The following AGAP1 variants were observed in gnomAD, a reference collection of about 807,000 sequenced individuals.
AGAP1 encodes ArfGAP with GTPase domain, ankyrin repeat and PH domain 1.
A neutral mutation model predicts 105.3 loss-of-function variants in AGAP1; 29 were observed. The ratio of observed to expected loss-of-function variants is 0.28; its 90% CI spans 0.21 to 0.38. The LOEUF is 0.38. AGAP1 is among the 10% of genes least tolerant of loss of function. AGAP1 has a pLI of 1.00. For missense variants in AGAP1, 998 were observed against 1,165.1 expected, an observed-to-expected ratio of 0.86 and a Z score of 2.09; for synonymous variants, 509 against 485.9, an observed-to-expected ratio of 1.05 and a Z score of -0.63.
intron 6 of AGAP1, among the ~76,000 whole-genome samples, chr2:235,760,982 A>T (rs1954392113): frequency 1.3e-5 from 2 of 152,222 alleles, no homozygotes; most frequent in African/African-American, 4.8e-5. Context: ...GGGAGGGAAT[A>T]TCTTAATTAT....
At chr2:235,910,992 A>G (rs1489952180) in intron 11 of AGAP1, among the ~76,000 whole-genome samples, 3 of 152,194 alleles carry the variant, frequency 2.0e-5, no homozygotes, top group Non-Finnish European at 4.4e-5. Context: ...CCTAACCTCT[A>G]GAATTCTTCC....
Position 235,631,403 on chromosome 2 carries a change from C to T in AGAP1, c.164-77776C>T, listed in dbSNP as rs910029862. ...AGCTAGCCAAGGAGAGGCCACGAGG[C>T]GGGAGAGCCAAGGAGGACAGCCTCC... On this transcript the variant is annotated intron_variant, in intron 1 of 17. Transcript: ENST00000304032. This position sits in a 1 kb window ranked among gnomAD's most constrained non-coding sequence, Gnocchi z 5.4. 1.3e-5 allele frequency among the ~76,000 whole-genome samples: 2 copies of T among 152,274 alleles called. No individual in the cohort carries two copies. Among genetic ancestry groups the T allele is most frequent in the Non-Finnish European group, 2.9e-5 (2 of 68,010 alleles).
chr2:235,996,509 A>T (rs1311842050), intron 13 of AGAP1, among the ~76,000 whole-genome samples: 1 of 152,232 alleles, frequency 6.6e-6, no homozygotes, highest in Non-Finnish European at 1.5e-5. Flanking sequence ...TTTAAATGCC[A>T]ACCATCTTGA....
chr2:236,057,003 T>C (rs2058069299), intron 16 of AGAP1, among the ~76,000 whole-genome samples: 1 of 152,188 alleles, frequency 6.6e-6, no homozygotes, highest in Admixed American at 6.5e-5. Context: ...ACTAAATGAG[T>C]AGTGCAAACA....
chr2:235,572,638 T>G (rs1944566988), intron 1 of AGAP1, among the ~76,000 whole-genome samples: 1 of 152,136 alleles, frequency 6.6e-6, no homozygotes, highest in Non-Finnish European at 1.5e-5. Context: ...CCAGCTAAAA[T>G]CTCACCTCTC....
rs957066576 is a variant in AGAP1 at position 235,843,554 on chromosome 2, C to T, written c.1050+36223C>T. Among the ~76,000 whole-genome samples, 1 of 152,162 alleles carries T rather than the reference C, an allele frequency of 6.6e-6. No homozygotes were observed. The highest frequency in any genetic ancestry group is 6.5e-5 in the Admixed American group (1 of 15,284). On this transcript the variant is annotated intron_variant, in intron 9 of 17. Coordinates refer to ENST00000304032, the MANE Select transcript of AGAP1 (RefSeq NM_001037131.3). This position sits in a 1 kb window ranked among gnomAD's most constrained non-coding sequence, Gnocchi z 5.9. ...TGGGATGCCTCCGCCTCCCTTCGTT[C>T]CCCATTTGCAGCCTCTAGGTGCCCT...
At chr2:235,519,769 C>T (rs2149047670) in intron 1 of AGAP1, among the ~76,000 whole-genome samples, 1 of 152,150 alleles carries the variant, frequency 6.6e-6, no homozygotes, top group South Asian at 2.1e-4. Flanking sequence ...TGCCACCTAC[C>T]AATATTATTA....
intron 1 of AGAP1, among the ~76,000 whole-genome samples, chr2:235,686,616 TATAGA>T (rs1949413537): frequency 1.1e-4 from 4 of 37,726 alleles, no homozygotes; most frequent in African/African-American, 5.4e-4. Flanking sequence ...TACGTGGAGA[TATAGA>T]TATATATATA....
At chr2:235,832,919 AC>A (rs1959605524) in intron 9 of AGAP1, among the ~76,000 whole-genome samples, 1 of 152,234 alleles carries the variant, frequency 6.6e-6, no homozygotes, top group Non-Finnish European at 1.5e-5. Context: ...TGAGTGTACA[AC>A]AGGAGACTGG....
chr2:235,838,512 A>G (rs1960433189), intron 9 of AGAP1, among the ~76,000 whole-genome samples: 2 of 152,254 alleles, frequency 1.3e-5, no homozygotes, highest in Non-Finnish European at 2.9e-5. Flanking sequence ...GCTCCAAAAT[A>G]TTATGATGTG....
At chr2:235,853,046 A>T in intron 9 of AGAP1, 1 of 1,240,886 alleles carries the variant, frequency 8.1e-7, no homozygotes, top group East Asian at 3.2e-5. Context: ...CTTAATTTCT[A>T]TAGCGGGCAA....
chr2:236,023,233 C>G (rs1309869659), intron 13 of AGAP1, among the ~76,000 whole-genome samples: 1 of 152,160 alleles, frequency 6.6e-6, no homozygotes, highest in African/African-American at 2.4e-5. Context: ...TCTTCAGGAA[C>G]AGTTAGGAAT....
In AGAP1 at chr2:235,982,522, T is replaced by C. The variant is rs1037837030; in HGVS notation, c.1645+13899T>C. Among the ~76,000 whole-genome samples the C allele has an allele frequency of 6.6e-6, 1 of 152,210 alleles. No individual in the cohort carries two copies. Among genetic ancestry groups the C allele is most frequent in the Non-Finnish European group, 1.5e-5 (1 of 68,044 alleles). ...GAACTCATAAATGGTAAAAGTAACC[T>C]GTATTATCATTGGTTCTAGGGGACT... On this transcript the variant is annotated intron_variant, in intron 13 of 17. Coordinates refer to ENST00000304032, the MANE Select transcript of AGAP1 (RefSeq NM_001037131.3). The surrounding 1 kb of genome is among the most constrained non-coding windows in gnomAD (Gnocchi z 4.9).
rs907115390 is a variant in AGAP1, at chr2:235,710,135, C to G, written c.222+898C>G. On this transcript the variant is annotated intron_variant, in intron 2 of 17. Transcript: ENST00000304032. Reference sequence around the variant, plus strand: ...CATGGGCCTGCCTAGTGTGTCTGTCCTCTGCATTTCTATTGATAGCACCAG... The same window carrying G: ...CATGGGCCTGCCTAGTGTGTCTGTCGTCTGCATTTCTATTGATAGCACCAG... 5.3e-5 allele frequency among the ~76,000 whole-genome samples: 8 copies of G among 152,246 alleles called. No individual in the cohort carries two copies. The East Asian group carries it at 1.5e-3, about 29-fold the overall frequency.
At chr2:235,840,685 CAT>C (rs1450423479) in intron 9 of AGAP1, among the ~76,000 whole-genome samples, 1 of 151,796 alleles carries the variant, frequency 6.6e-6, no homozygotes, top group African/African-American at 2.4e-5. Flanking sequence ...AAGGAGAAGA[CAT>C]ATCTGGAGGC....
intron 10 of AGAP1, among the ~76,000 whole-genome samples, chr2:235,902,414 G>A (rs1045073972): frequency 2.6e-5 from 4 of 152,110 alleles, no homozygotes; most frequent in Admixed American, 2.6e-4. Flanking sequence ...TTTTACGTGT[G>A]TTTTATCCAT....
chr2:236,071,427 A>T (rs10929161), intron 16 of AGAP1, among the ~76,000 whole-genome samples: 1 of 151,936 alleles, frequency 6.6e-6, no homozygotes, highest in East Asian at 1.9e-4. Context: ...GACTGTGAGG[A>T]CCTGGCTTGG....
intron 1 of AGAP1, among the ~76,000 whole-genome samples, chr2:235,583,939 T>C (rs901489740): frequency 1.3e-5 from 2 of 151,070 alleles, no homozygotes; most frequent in Non-Finnish European, 2.9e-5. Flanking sequence ...CTCCTGGACT[T>C]AAATGATCCT....
chr2:235,688,003 G>T (rs898976168), intron 1 of AGAP1, among the ~76,000 whole-genome samples: 1 of 142,710 alleles, frequency 7.0e-6, no homozygotes, highest in Non-Finnish European at 1.5e-5. Flanking sequence ...CTGGGTTCAC[G>T]CCATTCTCCC....
Sources: gnomAD v4.1 joint callset for allele counts (sites outside exome capture counted in the v4.1 genomes callset) on GRCh38, gnomAD v4.1.1 for gene constraint, Gnocchi (gnomAD v3.1) non-coding constraint, MANE v1.5 for transcripts, NCBI Gene and HGNC (gene_info 2026-07-23, HGNC 2026-07-21) for gene names.